Variants in CAB39L observed in about 807,000 individuals in gnomAD.
CAB39L encodes calcium binding protein 39 like.
In CAB39L, 23 loss-of-function variants were observed where a neutral mutation model predicts 39.1. The observed-to-expected ratio is 0.59, with a 90% CI of 0.42 to 0.83. The LOEUF is 0.83. CAB39L is among the 40% of genes least tolerant of loss of function. The pLI is 0.00. For missense variants in CAB39L, 366 were observed against 391.9 expected (o/e 0.93, Z 0.56); for synonymous variants, 126 against 137.2 (o/e 0.92, Z 0.57).
chr13:49,414,594 AAT>A (rs760830677), intron 3 of CAB39L, among the ~76,000 whole-genome samples: 7 of 152,220 alleles, frequency 4.6e-5, no homozygotes, highest in Non-Finnish European at 8.8e-5. Flanking sequence ...CACATAATAA[AAT>A]ATGTTAAATA....
chr13:49,357,131 C>G (rs1277780861), intron 6 of CAB39L, among the ~76,000 whole-genome samples: 1 of 151,686 alleles, frequency 6.6e-6, no homozygotes. Context: ...GGAGCATCAA[C>G]AATTCCCGCT....
Position 49,430,095 on chromosome 13 carries a change from T to G in CAB39L, c.-32+3223A>C, listed in dbSNP as rs560902726. ...GAAAAGTTACTAGCTGTCCAAAAAG[T>G]TGATAAACATGCTACCAGCTATAAT... On this transcript the variant is annotated intron_variant, in intron 3 of 10. Coordinates refer to ENST00000409308, the MANE Select transcript of CAB39L (RefSeq NM_001079670.3). 2.0e-5 allele frequency among the ~76,000 whole-genome samples: 3 copies of G among 152,340 alleles called. No homozygotes were observed. The South Asian group carries it at 6.2e-4, about 32-fold the overall frequency.
At chr13:49,381,375 G>C (rs1054585395) in intron 4 of CAB39L, among the ~76,000 whole-genome samples, 2 of 152,134 alleles carry the variant, frequency 1.3e-5, no homozygotes, top group African/African-American at 2.4e-5. Flanking sequence ...GTTTAAGAGA[G>C]AGTTAAGGAT....
chr13:49,405,847 T>C (rs981644613), intron 3 of CAB39L, among the ~76,000 whole-genome samples: 4 of 152,096 alleles, frequency 2.6e-5, no homozygotes, highest in African/African-American at 7.2e-5. Flanking sequence ...AATGAGATCC[T>C]GTCATTTGAA....
chr13:49,331,541 A>T (rs952376078), intron 10 of CAB39L, among the ~76,000 whole-genome samples: 4 of 152,108 alleles, frequency 2.6e-5, no homozygotes, highest in African/African-American at 7.2e-5. Context: ...AATACATTGT[A>T]AAAAAATAAT....
chr13:49,341,169 C>T (rs988770600), intron 8 of CAB39L, among the ~76,000 whole-genome samples: 7 of 152,136 alleles, frequency 4.6e-5, no homozygotes, highest in Non-Finnish European at 1.0e-4. Context: ...CCTTAACATT[C>T]CATCTAGCAT....
At chr13:49,366,311 C>G (rs146895797) in intron 5 of CAB39L, among the ~76,000 whole-genome samples, 3 of 151,708 alleles carry the variant, frequency 2.0e-5, no homozygotes, top group African/African-American at 7.3e-5. Context: ...ACATTACATG[C>G]CTGTACTAAA....
intron 7 of CAB39L, among the ~76,000 whole-genome samples, chr13:49,344,661 A>G (rs894824056): frequency 1.3e-5 from 2 of 151,830 alleles, no homozygotes; most frequent in Non-Finnish European, 2.9e-5. Flanking sequence ...AGCTGGGACT[A>G]CAGGCGCCCG....
intron 3 of CAB39L, among the ~76,000 whole-genome samples, chr13:49,402,832 TA>T (rs1326144744): frequency 3.9e-5 from 6 of 152,166 alleles, no homozygotes; most frequent in African/African-American, 1.2e-4. Flanking sequence ...CAAAGACGAC[TA>T]GAGATTAGTC....
intron 10 of CAB39L, 138 bp downstream of exon 10, chr13:49,331,809 T>C (rs1954706779): frequency 1.3e-6 from 1 of 774,178 alleles, no homozygotes; most frequent in Non-Finnish European, 2.1e-6. Context: ...TGAAATTTCA[T>C]CTAAATCATG....
At chr13:49,388,045 C>T (rs779251279) in intron 3 of CAB39L, among the ~76,000 whole-genome samples, 2 of 152,076 alleles carry the variant, frequency 1.3e-5, no homozygotes, top group African/African-American at 4.8e-5. Flanking sequence ...GACACAGACA[C>T]GTGCAAAATT....
chr13:49,343,187 C>T (rs925214878), intron 8 of CAB39L, among the ~76,000 whole-genome samples: 4 of 152,088 alleles, frequency 2.6e-5, no homozygotes, highest in African/African-American at 7.2e-5. Context: ...GTAAAAGTAT[C>T]GTTGCTTTTG....
chr13:49,366,226 T>C (rs78795441), intron 5 of CAB39L, among the ~76,000 whole-genome samples: 130 of 151,950 alleles, frequency 8.6e-4, no homozygotes, highest in Non-Finnish European at 1.4e-3. Context: ...ATAGAAACAA[T>C]GAATAAGATC....
At chr13:49,396,823 G>A (rs151026853) in intron 3 of CAB39L, among the ~76,000 whole-genome samples, 1 of 152,254 alleles carries the variant, frequency 6.6e-6, no homozygotes, top group African/African-American at 2.4e-5. Context: ...AAAAAATTGT[G>A]CCTGTAAGAT....
intron 3 of CAB39L, among the ~76,000 whole-genome samples, chr13:49,411,140 G>C (rs1428446770): frequency 6.6e-6 from 1 of 152,012 alleles, no homozygotes; most frequent in Non-Finnish European, 1.5e-5. Context: ...CCGGTGTGGT[G>C]ACTTGTGTCT....
chr13:49,379,869 T>G (rs1956215991), intron 4 of CAB39L, among the ~76,000 whole-genome samples: 2 of 150,062 alleles, frequency 1.3e-5, no homozygotes. Context: ...TTAGATGGAG[T>G]CTTGCTCTGT....
chr13:49,380,458 T>C (rs977236449), intron 4 of CAB39L, among the ~76,000 whole-genome samples: 4 of 152,120 alleles, frequency 2.6e-5, no homozygotes, highest in African/African-American at 7.2e-5. Context: ...GGCAAATCCA[T>C]AGAGGCAGAA....
chr13:49,361,469 C>T (rs565621188), intron 5 of CAB39L, among the ~76,000 whole-genome samples: 71 of 60,702 alleles, frequency 1.2e-3, no homozygotes, highest in African/African-American at 4.5e-3. Flanking sequence ...TGGAGCAAGA[C>T]TTCATCTCAA....
At chr13:49,322,520 C>T (rs1348761014) in intron 10 of CAB39L, among the ~76,000 whole-genome samples, 1 of 152,158 alleles carries the variant, frequency 6.6e-6, no homozygotes, top group Non-Finnish European at 1.5e-5. Context: ...TATGCAGATG[C>T]AAGTTATTAA....
Sources: gnomAD v4.1 joint callset for allele counts (sites outside exome capture counted in the v4.1 genomes callset) on GRCh38, gnomAD v4.1.1 for gene constraint, MANE v1.5 for transcripts, NCBI Gene and HGNC (gene_info 2026-07-23, HGNC 2026-07-21) for gene names.